Variants in CNTNAP4 observed in about 807,000 individuals in gnomAD.
CNTNAP4 encodes the protein contactin-associated protein-like 4.
Under a neutral mutation model 148.4 loss-of-function variants are expected in CNTNAP4, and 98 were observed. The ratio of observed to expected loss-of-function variants is 0.66; its 90% CI spans 0.56 to 0.78. The LOEUF (loss-of-function observed/expected upper bound fraction) is 0.78, where lower values mean the gene tolerates loss of function less well. Among genes scored for constraint, CNTNAP4 ranks in the 30% least tolerant of loss-of-function variants. The pLI, the probability that CNTNAP4 is intolerant of heterozygous loss-of-function variation, is 0.00. For synonymous variants in CNTNAP4, 730 were observed against 565.1 expected (o/e 1.29, Z -4.14); for missense variants, 1,935 against 1,565.6 (o/e 1.24, Z -3.98).
At chr16:76,334,176 T>TATAATAATA (rs56790152) in intron 2 of CNTNAP4, among the ~76,000 whole-genome samples, 2,642 of 149,408 alleles carry the variant, frequency 0.018, 74 homozygotes, top group African/African-American at 0.062. Context: ...AAACTTAAAG[T>TATAATAATA]ATAATAATAA....
At chr16:76,385,489 G>A (rs554478805) in intron 3 of CNTNAP4, among the ~76,000 whole-genome samples, 2 of 151,616 alleles carry the variant, frequency 1.3e-5, no homozygotes, top group South Asian at 2.1e-4. Context: ...TTTATATATA[G>A]CAATGTTTCC....
At chr16:76,430,825 T>C (rs2145072298) in intron 4 of CNTNAP4, among the ~76,000 whole-genome samples, 1 of 152,322 alleles carries the variant, frequency 6.6e-6, no homozygotes, top group Non-Finnish European at 1.5e-5. Flanking sequence ...TCTGCAGAAC[T>C]ACACAACCCG....
At chr16:76,315,346 T>C (rs1176451222) in intron 1 of CNTNAP4, among the ~76,000 whole-genome samples, 2 of 152,206 alleles carry the variant, frequency 1.3e-5, no homozygotes, top group South Asian at 4.1e-4. Context: ...GGGTTCATCA[T>C]AGGAGGACCT....
intron 3 of CNTNAP4, among the ~76,000 whole-genome samples, chr16:76,386,030 A>G (rs1334715993): frequency 1.3e-5 from 2 of 152,230 alleles, no homozygotes; most frequent in Non-Finnish European, 2.9e-5. Context: ...ACAGGAAGGC[A>G]GAGTGCCACC....
intron 4 of CNTNAP4, among the ~76,000 whole-genome samples, chr16:76,441,884 AT>A (rs1010378918): frequency 2.0e-5 from 3 of 152,174 alleles, no homozygotes; most frequent in Non-Finnish European, 4.4e-5. Context: ...ATAAGCATGC[AT>A]ACAACAATCC....
intron 1 of CNTNAP4, among the ~76,000 whole-genome samples, chr16:76,288,466 A>G (rs1223003715): frequency 6.6e-6 from 1 of 152,024 alleles, no homozygotes; most frequent in East Asian, 1.9e-4. Flanking sequence ...ATTACCCTCA[A>G]ATACTTCACT....
At chr16:76,433,190 G>C (rs1818822078) in intron 4 of CNTNAP4, among the ~76,000 whole-genome samples, 1 of 151,960 alleles carries the variant, frequency 6.6e-6, no homozygotes, top group South Asian at 2.1e-4. Flanking sequence ...CAACAATGAA[G>C]AATGAATGAA....
intron 4 of CNTNAP4, among the ~76,000 whole-genome samples, chr16:76,435,132 C>G (rs2079771194): frequency 6.6e-6 from 1 of 152,088 alleles, no homozygotes; most frequent in Non-Finnish European, 1.5e-5. Flanking sequence ...TCAAAGGGAC[C>G]TGGCCTCCCC....
intron 3 of CNTNAP4, among the ~76,000 whole-genome samples, chr16:76,384,394 A>G (rs1229514113): frequency 5.9e-5 from 9 of 152,138 alleles, no homozygotes; most frequent in African/African-American, 2.2e-4. Flanking sequence ...TAAGGCTGGC[A>G]GTAATGAGCA....
chr16:76,460,195 C>A (rs1435457398), intron 8 of CNTNAP4, among the ~76,000 whole-genome samples: 1 of 152,040 alleles, frequency 6.6e-6, no homozygotes, highest in Non-Finnish European at 1.5e-5. Context: ...GCAACCTTTG[C>A]CTCCCAGGTT....
chr16:76,413,412 T>C (rs978120380), intron 3 of CNTNAP4, among the ~76,000 whole-genome samples: 2 of 151,428 alleles, frequency 1.3e-5, no homozygotes, highest in African/African-American at 4.8e-5. Flanking sequence ...TTCTCCCCAC[T>C]GCTCTGCATG....
intron 15 of CNTNAP4, among the ~76,000 whole-genome samples, chr16:76,513,510 C>T (rs1045716945): frequency 6.6e-6 from 1 of 152,106 alleles, no homozygotes; most frequent in African/African-American, 2.4e-5. Flanking sequence ...GTTCTGTATG[C>T]AGGTATCAGG....
chr16:76,400,948 G>C (rs2078391853), intron 3 of CNTNAP4, among the ~76,000 whole-genome samples: 1 of 152,148 alleles, frequency 6.6e-6, no homozygotes, highest in African/African-American at 2.4e-5. Flanking sequence ...TAGCACTGTA[G>C]TACAGTTTGA....
Position 76,290,482 on chromosome 16 carries a change from C to T in CNTNAP4, c.85+12735C>T, listed in dbSNP as rs556056712. 1.4e-4 allele frequency among the ~76,000 whole-genome samples: 21 copies of T among 152,300 alleles called. No individual in the cohort carries two copies. The South Asian group carries it at 4.4e-3, about 32-fold the overall frequency. On this transcript the variant is annotated intron_variant, in intron 1 of 23. Transcript: ENST00000611870. The stretch of plus-strand genomic sequence containing the variant: ...ATTAGTCGGAGTGAAGTGGCAGGCA[C>T]TCGCTCATGTAGATAACTAACGTTT...
chr16:76,345,041 C>T (rs1393739824), intron 2 of CNTNAP4, among the ~76,000 whole-genome samples: 1 of 152,206 alleles, frequency 6.6e-6, no homozygotes, highest in East Asian at 1.9e-4. Flanking sequence ...TATTGATATA[C>T]ACTATGACAT....
intron 21 of CNTNAP4, among the ~76,000 whole-genome samples, chr16:76,552,650 A>T (rs530862837): frequency 4.7e-4 from 72 of 152,314 alleles, no homozygotes; most frequent in African/African-American, 1.7e-3. Flanking sequence ...AGAAGAAAAG[A>T]CATAGGGGTA....
intron 1 of CNTNAP4, among the ~76,000 whole-genome samples, chr16:76,312,710 ATAGTGGATTC>A (rs1961266680): frequency 6.6e-6 from 1 of 152,200 alleles, no homozygotes; most frequent in Non-Finnish European, 1.5e-5. Context: ...GTATTCTTAC[ATAGTGGATTC>A]TGGACCGCAA....
chr16:76,465,919 G>A (rs2081162997), intron 9 of CNTNAP4, among the ~76,000 whole-genome samples: 1 of 151,996 alleles, frequency 6.6e-6, no homozygotes, highest in African/African-American at 2.4e-5. Flanking sequence ...TATTTTGTCA[G>A]CAAAACAAAG....
In CNTNAP4 at chr16:76,549,106, G is replaced by T. The variant is rs377039650; in HGVS notation, c.3443-4177G>T. ...GGAGGGAACCAGTGAGGAGGCTCTT[G>T]TGGGGCTTCCTACCTTCTGGGTTGG... On this transcript the variant is annotated intron_variant, in intron 21 of 23. Transcript: ENST00000611870. 1.4e-4 allele frequency among the ~76,000 whole-genome samples: 21 copies of T among 152,200 alleles called. No individual in the cohort carries two copies. In the East Asian group the frequency reaches 1.9e-3, roughly 14 times the overall value.
Sources: gnomAD v4.1 joint callset for allele counts (sites outside exome capture counted in the v4.1 genomes callset) on GRCh38, gnomAD v4.1.1 for gene constraint, MANE v1.5 for transcripts, NCBI Gene and HGNC (gene_info 2026-07-23, HGNC 2026-07-21) for gene names.